Variants in SCFD1 observed in about 807,000 individuals in gnomAD.
SCFD1 encodes the protein sec1 family domain-containing protein 1.
In SCFD1, 37 loss-of-function variants were observed where a neutral mutation model predicts 103.2. That is an observed-to-expected ratio of 0.36 (90% CI 0.28 to 0.47). SCFD1 has a LOEUF of 0.47. Ranked by LOEUF, SCFD1 falls within the 20% of genes least tolerant of loss-of-function variation. SCFD1 has a pLI of 1.00. For synonymous variants in SCFD1, 264 were observed against 245.0 expected, an observed-to-expected ratio of 1.08 and a Z score of -0.73; for missense variants, 639 against 761.2, an observed-to-expected ratio of 0.84 and a Z score of 1.89.
At chr14:30,719,695 G>A (rs865837884) in intron 21 of SCFD1, among the ~76,000 whole-genome samples, 13 of 151,892 alleles carry the variant, frequency 8.6e-5, no homozygotes, top group African/African-American at 2.9e-4. Flanking sequence ...TATTCTTATT[G>A]GACCAATTGA....
intron 10 of SCFD1, among the ~76,000 whole-genome samples, chr14:30,655,274 A>T (rs770627651): frequency 6.6e-6 from 1 of 152,220 alleles, no homozygotes; most frequent in Non-Finnish European, 1.5e-5. Context: ...GGAAAAGAAC[A>T]TAAGCAGAAG....
chr14:30,659,035 T>G (rs1887182192), intron 10 of SCFD1, among the ~76,000 whole-genome samples: 1 of 152,216 alleles, frequency 6.6e-6, no homozygotes, highest in Non-Finnish European at 1.5e-5. Flanking sequence ...ATCCCTGATT[T>G]CATTCACTTT....
intron 17 of SCFD1, among the ~76,000 whole-genome samples, chr14:30,702,796 A>C (rs920295314): frequency 6.6e-6 from 1 of 152,180 alleles, no homozygotes; most frequent in Non-Finnish European, 1.5e-5. Context: ...TAAATTGTCA[A>C]AATTTTTCTG....
At chr14:30,675,195 G>A in intron 14 of SCFD1, 130 bp downstream of exon 14, 1 of 466,338 alleles carries the variant, frequency 2.1e-6, no homozygotes, top group Non-Finnish European at 3.9e-6. Context: ...ATGGAAGACA[G>A]CAGTATTATA....
chr14:30,653,170 G>A (rs1193879843), intron 9 of SCFD1, among the ~76,000 whole-genome samples: 1 of 152,074 alleles, frequency 6.6e-6, no homozygotes, highest in Non-Finnish European at 1.5e-5. Flanking sequence ...GTGTGATGGT[G>A]CATGCCTGTA....
intron 4 of SCFD1, among the ~76,000 whole-genome samples, chr14:30,634,501 T>C (rs910288302): frequency 1.1e-4 from 17 of 152,232 alleles, no homozygotes; most frequent in Admixed American, 1.1e-3. Flanking sequence ...ACATATACGG[T>C]TCAGTACTAC....
chr14:30,665,530 T>C (rs1402902359), intron 10 of SCFD1, among the ~76,000 whole-genome samples: 1 of 152,086 alleles, frequency 6.6e-6, no homozygotes, highest in Non-Finnish European at 1.5e-5. Context: ...AGGATCAAAT[T>C]CACACATAAT....
intron 15 of SCFD1, among the ~76,000 whole-genome samples, chr14:30,696,296 G>A (rs1890694589): frequency 3.3e-5 from 5 of 152,018 alleles, no homozygotes; most frequent in Admixed American, 3.3e-4. Flanking sequence ...GCATTTTAAA[G>A]GTATATGCAT....
At chr14:30,664,396 C>T (rs188861768) in intron 10 of SCFD1, among the ~76,000 whole-genome samples, 61 of 152,234 alleles carry the variant, frequency 4.0e-4, no homozygotes, top group African/African-American at 1.3e-3. Flanking sequence ...ATCTGTAGGT[C>T]ACCATCATCA....
chr14:30,709,721 C>T (rs1206967878), intron 19 of SCFD1, among the ~76,000 whole-genome samples: 1 of 152,160 alleles, frequency 6.6e-6, no homozygotes, highest in Non-Finnish European at 1.5e-5. Flanking sequence ...GACAAATGTG[C>T]TATACTTTAC....
At chr14:30,665,566 C>T (rs969700351) in intron 10 of SCFD1, among the ~76,000 whole-genome samples, 1 of 152,014 alleles carries the variant, frequency 6.6e-6, no homozygotes, top group African/African-American at 2.4e-5. Context: ...CATAAATGGG[C>T]TAAATACCCC....
At chr14:30,668,733 G>A (rs1210938328) in intron 10 of SCFD1, among the ~76,000 whole-genome samples, 1 of 152,174 alleles carries the variant, frequency 6.6e-6, no homozygotes, top group East Asian at 1.9e-4. Context: ...ATCAAAAAGT[G>A]AGCGAAGGAT....
intron 14 of SCFD1, among the ~76,000 whole-genome samples, chr14:30,692,380 A>C (rs1285411966): frequency 6.6e-6 from 1 of 152,168 alleles, no homozygotes; most frequent in Non-Finnish European, 1.5e-5. Flanking sequence ...AGGTGTATAA[A>C]GTGCTGTTGA....
At chr14:30,633,128 C>G (rs761796814) in intron 3 of SCFD1, among the ~76,000 whole-genome samples, 1 of 152,168 alleles carries the variant, frequency 6.6e-6, no homozygotes, top group Non-Finnish European at 1.5e-5. Context: ...GTTGGACAAG[C>G]AGTGTGAAAA....
intron 1 of SCFD1, among the ~76,000 whole-genome samples, chr14:30,624,826 C>T (rs1883218293): frequency 6.6e-6 from 1 of 152,144 alleles, no homozygotes; most frequent in Non-Finnish European, 1.5e-5. Context: ...TATTTCTCTT[C>T]CCTCTCCTTG....
intron 17 of SCFD1, 108 bp downstream of exon 17, chr14:30,702,483 G>A (rs1194937636): frequency 1.7e-6 from 1 of 604,946 alleles, no homozygotes; most frequent in Non-Finnish European, 2.8e-6. Context: ...ATGCCTTGGT[G>A]GTTTTATATA....
At chr14:30,666,826 C>A (rs1888020211) in intron 10 of SCFD1, among the ~76,000 whole-genome samples, 1 of 152,144 alleles carries the variant, frequency 6.6e-6, no homozygotes, top group Non-Finnish European at 1.5e-5. Context: ...TTCCTGGACA[C>A]ATATACCCTC....
intron 14 of SCFD1, among the ~76,000 whole-genome samples, chr14:30,677,925 C>T (rs1273611252): frequency 4.0e-5 from 6 of 148,564 alleles, no homozygotes; most frequent in African/African-American, 1.2e-4. Flanking sequence ...CTGCAACCTC[C>T]ACCTCCTGGG....
intron 1 of SCFD1, among the ~76,000 whole-genome samples, chr14:30,625,952 T>G (rs1033456620): frequency 6.6e-6 from 1 of 151,970 alleles, no homozygotes; most frequent in African/African-American, 2.4e-5. Flanking sequence ...TCTTCCAAGT[T>G]GTCAGGCTTC....
Sources: allele counts gnomAD v4.1 joint callset (sites outside exome capture counted in the v4.1 genomes callset), GRCh38; gene constraint gnomAD v4.1.1; transcripts MANE v1.5; gene names NCBI Gene and HGNC (gene_info 2026-07-23, HGNC 2026-07-21).